Variants in ERCC1 observed in about 807,000 individuals in gnomAD.
ERCC1 encodes DNA excision repair protein ERCC-1.
A neutral mutation model predicts 37.6 loss-of-function variants in ERCC1; 36 were observed. That is an observed-to-expected ratio of 0.96 (90% confidence interval 0.73 to 1.26). The LOEUF is 1.26. ERCC1 is among the 50% of genes most tolerant of loss of function. The pLI is 0.00. For missense variants in ERCC1, 349 were observed against 376.5 expected (o/e 0.93, Z 0.60); for synonymous variants, 156 against 162.1 (o/e 0.96, Z 0.28).
intron 1 of ERCC1, among the ~76,000 whole-genome samples, chr19:45,444,101 C>T (rs1975193148): frequency 6.7e-6 from 1 of 149,460 alleles, no homozygotes; most frequent in African/African-American, 2.5e-5. Flanking sequence ...CCAAGCTTTC[C>T]TCAATATCTC....
intron 1 of ERCC1, among the ~76,000 whole-genome samples, chr19:45,436,120 C>A (rs1451363634): frequency 6.6e-6 from 1 of 152,018 alleles, no homozygotes; most frequent in Non-Finnish European, 1.5e-5. Flanking sequence ...ACCCACGGAG[C>A]CTGGATGAAG....
rs778451525 is a variant in ERCC1, at chr19:45,408,984, T to C, written c.*691A>G. On this transcript the variant is annotated 3_prime_UTR_variant, in exon 10 of 10. Coordinates refer to ENST00000300853, the MANE Select transcript of ERCC1 (RefSeq NM_001983.4). ...AAAAAAGAAAAGGGACAGATGGCAA[T>C]GATGGAGCCAGGGACGGAGGCGATG... 6.1e-5 allele frequency: 99 copies of C among 1,613,312 alleles called. No individual in the cohort carries two copies. The highest frequency in any genetic ancestry group is 1.0e-4 in the Admixed American group (6 of 59,936).
chr19:45,446,740 C>T (rs1333456657), intron 1 of ERCC1, among the ~76,000 whole-genome samples: 1 of 152,194 alleles, frequency 6.6e-6, no homozygotes, highest in Admixed American at 6.5e-5. Flanking sequence ...TGGCTCACAA[C>T]TGTAATCCCG....
intron 2 of ERCC1, among the ~76,000 whole-genome samples, 190 bp from the exon 3 acceptor site, chr19:45,421,583 C>T (rs906006633): frequency 7.9e-5 from 12 of 151,650 alleles, no homozygotes; most frequent in Admixed American, 3.3e-4. Flanking sequence ...AATTCTGCCT[C>T]AGCTTCCCAA....
chr19:45,425,135 A>C (rs887841312), upstream of ERCC1, among the ~76,000 whole-genome samples: 1 of 135,318 alleles, frequency 7.4e-6, no homozygotes, highest in Non-Finnish European at 1.6e-5. Context: ...GGGTTTCACC[A>C]TGTTGGCCAG....
upstream of ERCC1, among the ~76,000 whole-genome samples, chr19:45,427,161 CGAAAGAAAA>C (rs1057341956): frequency 2.0e-5 from 3 of 151,378 alleles, no homozygotes; most frequent in Non-Finnish European, 2.9e-5. Flanking sequence ...AACAAAAAAA[CGAAAGAAAA>C]GAAAGGAAAG....
In ERCC1 at chr19:45,410,120, C is replaced by G. The variant is rs566076261; in HGVS notation, c.844-395G>C. 3.9e-5 allele frequency: 6 copies of G among 155,472 alleles called. No individual in the cohort carries two copies. In the East Asian group the frequency reaches 1.1e-3, roughly 29 times the overall value. 9.6% of individuals were successfully genotyped at this position (155,472 alleles called of 1,614,324 possible). A position where few individuals can be genotyped will look rare whatever the true frequency, so the allele number is the denominator to read the frequency against. On this transcript the variant is annotated intron_variant, in intron 9 of 9. Transcript: ENST00000300853. ...GCCAGGATGGTCTCGATCTCCTGAC[C>G]TCCTGATGCGCCTGCCTCAGCCTCC...
At chr19:45,416,770 G>A (rs1314122803) in intron 6 of ERCC1, 51 bp downstream of exon 6, 1 of 1,425,348 alleles carries the variant, frequency 7.0e-7, no homozygotes, top group Non-Finnish European at 9.9e-7. Flanking sequence ...TGGGGGAGCA[G>A]GGACCAATCC....
chr19:45,411,362 G>C (rs922249735), intron 9 of ERCC1, among the ~76,000 whole-genome samples: 2 of 152,068 alleles, frequency 1.3e-5, no homozygotes, highest in African/African-American at 4.8e-5. Context: ...TTTTAGAGGA[G>C]CCTCCAAACT....
intron 1 of ERCC1, among the ~76,000 whole-genome samples, chr19:45,430,087 G>A (rs1302059573): frequency 2.6e-5 from 4 of 152,108 alleles, no homozygotes; most frequent in Non-Finnish European, 5.9e-5. Flanking sequence ...TCCAGCCGGA[G>A]CAATTCCTCA....
chr19:45,418,409 G>A (rs1974190623), intron 5 of ERCC1, among the ~76,000 whole-genome samples: 1 of 152,074 alleles, frequency 6.6e-6, no homozygotes, highest in Non-Finnish European at 1.5e-5. Context: ...CATCCCAGTT[G>A]CTCGAGAGGC....
intron 1 of ERCC1, among the ~76,000 whole-genome samples, chr19:45,443,718 C>T (rs1975181079): frequency 6.6e-6 from 1 of 152,150 alleles, no homozygotes; most frequent in Non-Finnish European, 1.5e-5. Flanking sequence ...AAGGAGGGCC[C>T]CTCCCGCAGG....
chr19:45,426,416 T>G (rs758902919), upstream of ERCC1, among the ~76,000 whole-genome samples: 9 of 146,780 alleles, frequency 6.1e-5, no homozygotes, highest in Admixed American at 1.4e-4. Context: ...CCGGGCATGG[T>G]GGCACATGCC....
At chr19:45,428,678 G>T (rs1337134061), upstream of ERCC1, among the ~76,000 whole-genome samples, 1 of 152,190 alleles carries the variant, frequency 6.6e-6, no homozygotes, top group Non-Finnish European at 1.5e-5. Flanking sequence ...GACCCTCACC[G>T]ACAATTCCGC....
upstream of ERCC1, among the ~76,000 whole-genome samples, chr19:45,426,774 C>A (rs1009296696): frequency 3.3e-5 from 5 of 151,442 alleles, no homozygotes; most frequent in Non-Finnish European, 7.4e-5. Flanking sequence ...GCCAGGGCAA[C>A]ATGACAAAAC....
intron 9 of ERCC1, among the ~76,000 whole-genome samples, chr19:45,412,266 C>A (rs1029205192): frequency 2.6e-5 from 4 of 152,056 alleles, no homozygotes; most frequent in Middle Eastern, 3.4e-3. Context: ...TCAAGAGATT[C>A]TCCTGCCTCA....
At chr19:45,443,018 G>C (rs569974711) in intron 1 of ERCC1, among the ~76,000 whole-genome samples, 2 of 152,154 alleles carry the variant, frequency 1.3e-5, no homozygotes, top group Admixed American at 6.6e-5. Flanking sequence ...ATGCCCCGCG[G>C]GGGGGATGAA....
intron 1 of ERCC1, among the ~76,000 whole-genome samples, chr19:45,439,305 C>A (rs1366555889): frequency 2.0e-5 from 3 of 152,186 alleles, no homozygotes; most frequent in Non-Finnish European, 2.9e-5. Context: ...GCGGTTCATG[C>A]TGCAATGCCT....
rs1026507090 is a variant in ERCC1, at chr19:45,421,126, A to G, written c.321+52T>C. ...CTTGCACTGGAGTCATCCCTAGAAC[A>G]GCGTTTCCCACTGAAAACCTCAAGG... On this transcript the variant is annotated intron_variant, in intron 3 of 9. Coordinates refer to ENST00000300853, the MANE Select transcript of ERCC1 (RefSeq NM_001983.4). The G allele has an allele frequency of 2.7e-6, 4 of 1,492,132 alleles. No individual in the cohort carries two copies. The African/African-American group carries it at 5.5e-5, about 21-fold the overall frequency. 92.4% of individuals were successfully genotyped at this position (1,492,132 alleles called of 1,614,324 possible).
Sources: allele counts gnomAD v4.1 joint callset (sites outside exome capture counted in the v4.1 genomes callset), GRCh38; gene constraint gnomAD v4.1.1; transcripts MANE v1.5; gene names NCBI Gene and HGNC (gene_info 2026-07-23, HGNC 2026-07-21).